ZNF880: variants seen among roughly 807,000 people sequenced by gnomAD.
The protein encoded by ZNF880 is zinc finger protein LOC400713.
A neutral mutation model predicts 11.8 loss-of-function variants in ZNF880; 12 were observed. The observed-to-expected ratio is 1.02, with a 90% CI of 0.65 to 1.65. The LOEUF is 1.65. ZNF880 is among the 40% of genes most tolerant of loss of function. The probability of loss-of-function intolerance (pLI) is 0.00; values close to 1 mark genes in which losing one functional copy is unlikely to be tolerated. For synonymous variants in ZNF880, 210 were observed against 232.4 expected (o/e 0.90, Z 0.88); for missense variants, 601 against 673.9 (o/e 0.89, Z 1.20).
rs185813021 is a variant in ZNF880, at chr19:52,375,226, G to A, written c.268+799G>A. The stretch of plus-strand genomic sequence containing the variant: ...TTTTGAGACAGAGTCTTGCTCTGTC[G>A]CCCAGGCTGGAGGGCAGTGGCACGA... On this transcript the variant is annotated intron_variant, in intron 3 of 3. Coordinates refer to ENST00000422689, the MANE Select transcript of ZNF880 (RefSeq NM_001145434.2). 3.2e-3 allele frequency among the ~76,000 whole-genome samples: 470 copies of A among 149,048 alleles called. 3 individuals carry two copies. Among genetic ancestry groups the A allele is most frequent in the African/African-American group, 0.011 (450 of 40,428 alleles).
chr19:52,384,032 CTA>C lies in ZNF880; in HGVS notation c.453_454del (p.Ser152CysfsTer8). On this transcript the variant is annotated frameshift_variant, in exon 4 of 4. Transcript: ENST00000422689. LOFTEE classifies it low-confidence loss of function (END_TRUNC). ...GTTTCACCACTTCAAAAAATTTATT[CTA>C]GTGTCAAATCCCACATTTTAAATAA... is the stretch of plus-strand genomic sequence containing the variant. 2.6e-6 allele frequency: 4 copies of C among 1,556,072 alleles called. No individual in the cohort carries two copies. Among genetic ancestry groups the C allele is most frequent in the Non-Finnish European group, 2.6e-6 (3 of 1,149,458 alleles).
At position 52,384,197 on chromosome 19, in the gene ZNF880, A is replaced by C. The variant is rs771832227; in HGVS notation, c.617A>C (p.His206Pro). Residue 206 changes from histidine to proline, a missense_variant, in exon 4 of 4, where the codon CAC (histidine) becomes CCC (proline). His to Pro is a moderately conservative substitution (Grantham distance 77). Transcript: ENST00000422689. ...AGACTTGCTAACAATCAAGTAATCCACACTGCAGATAACCCTTACAAATGT... is the reference window on the plus strand; with the variant it reads ...AGACTTGCTAACAATCAAGTAATCCCCACTGCAGATAACCCTTACAAATGT... The part of the protein sequence containing the change: ...SSRLANNQVI[H>P]TADNPYKCNE... 9 of 1,611,756 alleles carry C rather than the reference A, an allele frequency of 5.6e-6. No homozygotes were observed. The Admixed American group carries it at 8.4e-5, about 15-fold the overall frequency.
At chr19:52,372,909 CAAAAAAAAAA>C (rs201869014) in intron 1 of ZNF880, among the ~76,000 whole-genome samples, 192 bp from the exon 2 acceptor site, 2 of 69,944 alleles carry the variant, frequency 2.9e-5, no homozygotes, top group East Asian at 9.2e-4. Flanking sequence ...GACTCCGTCT[CAAAAAAAAAA>C]AAAAAAAAAA....
downstream of ZNF880, among the ~76,000 whole-genome samples, chr19:52,386,307 TGGA>T (rs1431591202): frequency 2.1e-5 from 3 of 142,904 alleles, no homozygotes; most frequent in Non-Finnish European, 3.0e-5. Context: ...TTAGAGAGCA[TGGA>T]GGTGGGGAGG....
chr19:52,392,729 T>C, the ZNF880 span: 1 of 226,660 alleles, frequency 4.4e-6, no homozygotes, highest in Non-Finnish European at 1.0e-5. Flanking sequence ...CTCTGGAGAG[T>C]GAAGGGAAAA....
At chr19:52,388,199 C>T (rs1986941358), downstream of ZNF880, among the ~76,000 whole-genome samples, 1 of 145,540 alleles carries the variant, frequency 6.9e-6, no homozygotes, top group South Asian at 2.2e-4. Flanking sequence ...AGAATGGTCA[C>T]ATAGAATGGG....
the ZNF880 span, among the ~76,000 whole-genome samples, chr19:52,393,584 G>T: frequency 6.6e-6 from 1 of 152,006 alleles, no homozygotes; most frequent in African/African-American, 2.4e-5. Flanking sequence ...GCTATTTTAG[G>T]TGTTTGGGTT....
intron 3 of ZNF880, among the ~76,000 whole-genome samples, chr19:52,377,692 G>A (rs866492033): frequency 6.6e-6 from 1 of 152,122 alleles, no homozygotes; most frequent in Non-Finnish European, 1.5e-5. Flanking sequence ...ACTGCCTCAC[G>A]CTGAAGGATG....
At chr19:52,379,541 G>A (rs180766529) in intron 3 of ZNF880, 255 of 414,448 alleles carry the variant, frequency 6.2e-4, no homozygotes, top group African/African-American at 1.1e-3. Context: ...GATTACAGGC[G>A]TGAGCCTCCG....
chr19:52,384,350 G>A lies in ZNF880; in HGVS notation c.770G>A (p.Arg257Gln), dbSNP rs78052167. ...KLFNRISLLA[R>Q]HQRIHTGEKP... ...TTCAATCGAATTTCACTCCTTGCACGACATCAGAGAATACATACTGGAGAG... is the reference window on the plus strand; with the variant it reads ...TTCAATCGAATTTCACTCCTTGCACAACATCAGAGAATACATACTGGAGAG... The change falls in exon 4 of 4, where the codon CGA becomes CAA. Residue 257 changes from arginine (R) to glutamine (Q), a missense_variant. Arg to Gln is a conservative substitution (Grantham distance 43). Around this residue, in one of 3 missense-constraint regions of ZNF880, gnomAD observed 420 missense variants for 442.6 expected, o/e 0.95. Transcript: ENST00000422689. 49,389 of 1,468,350 alleles carry A rather than the reference G, an allele frequency of 0.034. 916 individuals are homozygous for A. The highest frequency in any genetic ancestry group is 0.039 in the Non-Finnish European group (42,344 of 1,096,354). 91.0% of individuals were successfully genotyped at this position (1,468,350 alleles called of 1,614,324 possible).
At chr19:52,394,355 C>G in the ZNF880 span, among the ~76,000 whole-genome samples, 1 of 152,046 alleles carries the variant, frequency 6.6e-6, no homozygotes, top group South Asian at 2.1e-4. Flanking sequence ...CCCACCTCAG[C>G]TTCCCCAGTA....
chr19:52,392,756 A>G, the ZNF880 span: 1 of 228,284 alleles, frequency 4.4e-6, no homozygotes, highest in South Asian at 8.6e-5. Flanking sequence ...AAAAATCCAG[A>G]TGGGAGGGAA....
At chr19:52,379,020 A>G (rs1030524132) in intron 3 of ZNF880, among the ~76,000 whole-genome samples, 1 of 152,198 alleles carries the variant, frequency 6.6e-6, no homozygotes, top group Non-Finnish European at 1.5e-5. Context: ...GGCAGCAGCC[A>G]GCCATGATGG....
Position 52,385,084 on chromosome 19 carries a change from A to C in ZNF880, c.1504A>C (p.Ser502Arg), listed in dbSNP as rs1314494902. The C allele has an allele frequency of 1.9e-6, 3 of 1,560,548 alleles. No homozygotes were observed. The highest frequency in any genetic ancestry group is 2.6e-6 in the Non-Finnish European group (3 of 1,152,024). The change falls in exon 4 of 4, where the codon AGT (serine) becomes CGT (arginine). Residue 502 changes from serine to arginine, a missense_variant. By Grantham distance (110) the Ser-to-Arg change is moderately radical (BLOSUM62 -1). Around this residue, in one of 3 missense-constraint regions of ZNF880, gnomAD observed 177 missense variants for 214.5 expected, o/e 0.83. Coordinates refer to ENST00000422689, the MANE Select transcript of ZNF880 (RefSeq NM_001145434.2). ...ATGCAGTGAATGTCACAAAGTCTTT[A>C]GTCACAATTCACACCTTGCACGACA... is the stretch of plus-strand genomic sequence containing the variant. ...YKCSECHKVF[S>R]HNSHLARHRQ... is the part of the protein sequence containing the mutation.
At chr19:52,380,777 A>G (rs1290287075) in intron 3 of ZNF880, among the ~76,000 whole-genome samples, 2 of 152,114 alleles carry the variant, frequency 1.3e-5, no homozygotes, top group Admixed American at 1.3e-4. Flanking sequence ...CCTAGGTTCA[A>G]GTGATCCTCC....
intron 2 of ZNF880, among the ~76,000 whole-genome samples, chr19:52,373,640 C>G (rs1986459396): frequency 6.7e-6 from 1 of 149,566 alleles, no homozygotes; most frequent in Non-Finnish European, 1.5e-5. Context: ...CAGAAGGAGG[C>G]AGTGGATGAA....
Position 52,385,465 on chromosome 19 carries a change from A to T in ZNF880, c.*151A>T. On this transcript the variant is annotated 3_prime_UTR_variant, in exon 4 of 4. Transcript: ENST00000422689. ...CATCAGAGATTCCATACTAAAGAGA[A>T]ATCATAGCAATGTATGTGAATCAGG... is the stretch of plus-strand genomic sequence containing the variant. 2.2e-6 allele frequency: 2 copies of T among 909,862 alleles called. No individual in the cohort carries two copies. Among genetic ancestry groups the T allele is most frequent in the Non-Finnish European group, 3.2e-6 (2 of 617,782 alleles). The allele number at this position is 909,862 out of a possible 1,614,324, so 56.4% of individuals were successfully genotyped here.
chr19:52,384,299 A>G lies in ZNF880; in HGVS notation c.719A>G (p.Tyr240Cys). 2 of 1,613,914 alleles carry G rather than the reference A, an allele frequency of 1.2e-6. No individual in the cohort carries two copies. Among genetic ancestry groups the G allele is most frequent in the African/African-American group, 1.3e-5 (1 of 75,066 alleles). ...HQRIHTGEKP[Y>C]KCHECGKLFN... ...AGAATTCATACTGGAGAGAAGCCTT[A>G]CAAGTGTCATGAATGTGGCAAGCTC... The change falls in exon 4 of 4, where the codon TAC (tyrosine) becomes TGC (cysteine). Residue 240 changes from tyrosine (Y) to cysteine (C), a missense_variant. Physicochemically the swap from Tyr to Cys is radical, Grantham distance 194 (BLOSUM62 -2). This residue lies in a region of ZNF880 where 420 missense variants were observed against 442.6 expected (regional missense o/e 0.95). Transcript: ENST00000422689.
At position 52,384,213 on chromosome 19, in the gene ZNF880, T is replaced by C. The variant is rs1986788352; in HGVS notation, c.633T>C (p.Pro211=). The change falls in exon 4 of 4, where the codon CCT becomes CCC. Residue 211 remains proline, a synonymous_variant. Transcript: ENST00000422689. Reference sequence around the variant, plus strand: ...AAGTAATCCACACTGCAGATAACCCTTACAAATGTAATGAATGTGACAAGG... The same window carrying C: ...AAGTAATCCACACTGCAGATAACCCCTACAAATGTAATGAATGTGACAAGG... ...NNQVIHTADN[P]YKCNECDKVF... is the part of the protein sequence containing the mutation. 1 of 1,612,134 alleles carries C rather than the reference T, an allele frequency of 6.2e-7. No individual in the cohort carries two copies. Among genetic ancestry groups the C allele is most frequent in the Non-Finnish European group, 8.5e-7 (1 of 1,178,796 alleles).
Sources: allele counts gnomAD v4.1 joint callset (sites outside exome capture counted in the v4.1 genomes callset), GRCh38; gene constraint gnomAD v4.1.1; regional missense constraint gnomAD v4.1.1; transcripts MANE v1.5; gene names NCBI Gene and HGNC (gene_info 2026-07-23, HGNC 2026-07-21).